Variants in TPO observed in about 807,000 individuals in gnomAD.
TPO encodes thyroid peroxidase, also known as thyroid microsomal antigen.
TPO carries 78 observed loss-of-function variants against 96.9 expected under a neutral mutation model. The ratio of observed to expected loss-of-function variants is 0.81; its 90% CI spans 0.67 to 0.97. TPO has a LOEUF of 0.97. TPO is among the 50% of genes least tolerant of loss of function. The pLI is 0.00. For synonymous variants in TPO, 547 were observed against 538.0 expected, an observed-to-expected ratio of 1.02 and a Z score of -0.23; for missense variants, 1,252 against 1,274.8, an observed-to-expected ratio of 0.98 and a Z score of 0.27.
At chr2:1,507,797 G>A (rs1305717087) in intron 14 of TPO, among the ~76,000 whole-genome samples, 20 of 152,138 alleles carry the variant, frequency 1.3e-4, no homozygotes, top group Non-Finnish European at 2.4e-4. Context: ...GAGATGATGG[G>A]GTTTTCTAGA....
chr2:1,531,882 A>T, intron 15 of TPO, among the ~76,000 whole-genome samples: 1 of 96,574 alleles, frequency 1.0e-5, no homozygotes, highest in African/African-American at 3.9e-5. Flanking sequence ...CAACCTCCTC[A>T]AATCACCCTA....
At chr2:1,395,377 C>T (rs1264240573) in intron 1 of TPO, among the ~76,000 whole-genome samples, 1 of 152,086 alleles carries the variant, frequency 6.6e-6, no homozygotes, top group Non-Finnish European at 1.5e-5. Flanking sequence ...ATCAAGTTTG[C>T]TTTGGATTAT....
At chr2:1,383,622 GC>G (rs1290178347) in intron 1 of TPO, among the ~76,000 whole-genome samples, 3 of 152,148 alleles carry the variant, frequency 2.0e-5, no homozygotes, top group Non-Finnish European at 4.4e-5. Flanking sequence ...CTGGGTATCA[GC>G]CCTTTGTCAG....
chr2:1,414,240 AC>A, intron 1 of TPO, 167 bp from the exon 2 acceptor site: 1 of 672,328 alleles, frequency 1.5e-6, no homozygotes. Flanking sequence ...CCTGACATGG[AC>A]GGCGACTCTG....
At position 1,487,967 on chromosome 2, in the gene TPO, A is replaced by G. The variant is rs1558349777; in HGVS notation, c.1744A>G (p.Arg582Gly). Residue 582 changes from arginine to glycine, a missense_variant, in exon 10 of 17, where the codon AGG becomes GGG. Coordinates refer to ENST00000329066, the MANE Select transcript of TPO (RefSeq NM_001206744.2). Reference sequence around the variant, plus strand: ...GGATCTGGCGTCCATCAACCTGCAGAGGGGCCGGGACCACGGGCTGCCAGG... The same window carrying G: ...GGATCTGGCGTCCATCAACCTGCAGGGGGGCCGGGACCACGGGCTGCCAGG... ...TLDLASINLQ[R>G]GRDHGLPGYN... The G allele has an allele frequency of 6.2e-7, 1 of 1,613,574 alleles. No individual in the cohort carries two copies. The highest frequency in any genetic ancestry group is 8.5e-7 in the Non-Finnish European group (1 of 1,180,038).
chr2:1,406,358 C>T (rs1479108720), intron 1 of TPO, among the ~76,000 whole-genome samples: 1 of 152,178 alleles, frequency 6.6e-6, no homozygotes, highest in Non-Finnish European at 1.5e-5. Context: ...ATTTATTTTT[C>T]CAGGGCACCT....
intron 16 of TPO, chr2:1,541,079 A>C: frequency 8.2e-7 from 1 of 1,224,890 alleles, no homozygotes; most frequent in Non-Finnish European, 1.0e-6. Flanking sequence ...TTTTAAGTGG[A>C]ATAGTTATAA....
chr2:1,504,501 G>T (rs377715190), intron 14 of TPO, among the ~76,000 whole-genome samples: 2 of 152,230 alleles, frequency 1.3e-5, no homozygotes, highest in African/African-American at 2.4e-5. Flanking sequence ...CTGCCTGCCT[G>T]TTCTCCCACC....
At chr2:1,465,785 G>T (rs1668842581) in intron 7 of TPO, among the ~76,000 whole-genome samples, 1 of 152,126 alleles carries the variant, frequency 6.6e-6, no homozygotes, top group African/African-American at 2.4e-5. Context: ...ATCAGTTCTA[G>T]GAGCTTTCTG....
intron 5 of TPO, among the ~76,000 whole-genome samples, chr2:1,442,828 T>C (rs569545118): frequency 6.6e-6 from 1 of 152,340 alleles, no homozygotes; most frequent in East Asian, 1.9e-4. Context: ...TTGTGAGCAA[T>C]AATGATACAA....
chr2:1,428,042 G>A (rs1664607933), intron 3 of TPO, among the ~76,000 whole-genome samples: 1 of 152,218 alleles, frequency 6.6e-6, no homozygotes, highest in African/African-American at 2.4e-5. Context: ...TACATTTGAT[G>A]CATGGCTCTG....
At chr2:1,508,931 T>A (rs965392477) in intron 14 of TPO, among the ~76,000 whole-genome samples, 1 of 152,228 alleles carries the variant, frequency 6.6e-6, no homozygotes, top group Non-Finnish European at 1.5e-5. Flanking sequence ...CTGCTAGCTT[T>A]TGAATGTGTT....
intron 15 of TPO, among the ~76,000 whole-genome samples, chr2:1,534,030 GCAACCTCCCCAAATCCCACCACTGTGTT>G (rs1465933776): frequency 1.6e-5 from 1 of 61,732 alleles, no homozygotes; most frequent in Non-Finnish European, 3.1e-5. Flanking sequence ...CCCAATCTGT[GCAACCTCCCCAAATCCCACCACTGTGTT>G]CAACCTCCCC....
chr2:1,476,197 G>T (rs572463638), intron 7 of TPO, among the ~76,000 whole-genome samples: 1 of 152,158 alleles, frequency 6.6e-6, no homozygotes, highest in African/African-American at 2.4e-5. Context: ...TGATCTTCAG[G>T]AAGAGTCTCT....
Position 1,414,494 on chromosome 2 carries a change from T to C in TPO, c.86T>C (p.Leu29Pro). ...FFPFISRGKE[L>P]LWGKPEESRV... ...CCCTTCATCTCGAGAGGGAAAGAAC[T>C]CCTTTGGGGTAAGTAGCAAACACAT... The change falls in exon 2 of 17, where the codon CTC (leucine) becomes CCC (proline). Residue 29 changes from leucine (L) to proline (P), a missense_variant. Coordinates refer to ENST00000329066, the MANE Select transcript of TPO (RefSeq NM_001206744.2). The C allele has an allele frequency of 6.2e-7, 1 of 1,613,960 alleles. No individual in the cohort carries two copies. The highest frequency in any genetic ancestry group is 1.3e-5 in the African/African-American group (1 of 75,036).
At chr2:1,382,130 C>T (rs1003480268) in intron 1 of TPO, among the ~76,000 whole-genome samples, 2 of 152,076 alleles carry the variant, frequency 1.3e-5, no homozygotes, top group East Asian at 1.9e-4. Flanking sequence ...ACTGCACAGC[C>T]CACCCTCAGA....
chr2:1,498,336 G>A (rs572073073), intron 13 of TPO, among the ~76,000 whole-genome samples: 1 of 152,188 alleles, frequency 6.6e-6, no homozygotes, highest in African/African-American at 2.4e-5. Flanking sequence ...GCCCTCCCGG[G>A]AGCCACCTTC....
chr2:1,534,770 C>A (rs1363884374), intron 15 of TPO, among the ~76,000 whole-genome samples: 1 of 150,494 alleles, frequency 6.6e-6, no homozygotes. Flanking sequence ...TGTGTGCAAC[C>A]TCCTCAAATA....
chr2:1,537,248 A>AG (rs1679955603), intron 15 of TPO, among the ~76,000 whole-genome samples: 1 of 12,946 alleles, frequency 7.7e-5, no homozygotes, highest in African/African-American at 4.2e-4. Context: ...GTTTCGAACC[A>AG]CCTCAAATCC....
Sources: allele counts gnomAD v4.1 joint callset (sites outside exome capture counted in the v4.1 genomes callset), GRCh38; gene constraint gnomAD v4.1.1; transcripts MANE v1.5; gene names NCBI Gene and HGNC (gene_info 2026-07-23, HGNC 2026-07-21).